The following DPP6 variants were observed in gnomAD, a reference collection of about 807,000 sequenced individuals.
The protein encoded by DPP6 is dipeptidyl peptidase like 6, also known as A-type potassium channel modulatory protein DPP6.
In DPP6, 69 loss-of-function variants were observed where a neutral mutation model predicts 122.6. The ratio of observed to expected loss-of-function variants is 0.56; its 90% CI spans 0.46 to 0.69. The LOEUF is 0.69. DPP6 is among the 30% of genes least tolerant of loss of function. The pLI is 0.00. For synonymous variants in DPP6, 418 were observed against 433.1 expected (o/e 0.97, Z 0.43); for missense variants, 928 against 1,116.9 (o/e 0.83, Z 2.41).
At chr7:154,209,128 G>A (rs1799605420) in intron 1 of DPP6, among the ~76,000 whole-genome samples, 1 of 152,164 alleles carries the variant, frequency 6.6e-6, no homozygotes, top group African/African-American at 2.4e-5. Flanking sequence ...TCGCCATCTT[G>A]ATTCACGTAA....
intron 7 of DPP6, among the ~76,000 whole-genome samples, chr7:154,718,911 T>C (rs1453694457): frequency 5.3e-5 from 8 of 152,016 alleles, no homozygotes; most frequent in African/African-American, 1.9e-4. Context: ...AAGTGAGTCT[T>C]CCTCTTCTTT....
intron 1 of DPP6, among the ~76,000 whole-genome samples, chr7:154,219,991 G>T (rs969177662): frequency 6.6e-6 from 1 of 152,190 alleles, no homozygotes; most frequent in African/African-American, 2.4e-5. Context: ...ACCATTGGTT[G>T]CCTTGCCTTG....
chr7:154,594,637 C>A (rs10224748), intron 5 of DPP6, among the ~76,000 whole-genome samples: 28,605 of 152,076 alleles, frequency 0.19, 4,265 homozygotes, highest in African/African-American at 0.41. Context: ...AGTATACATA[C>A]CTGATTCCCA....
intron 1 of DPP6, chr7:154,095,093 A>G (rs1805230244): frequency 6.6e-6 from 1 of 152,020 alleles, no homozygotes; most frequent in Non-Finnish European, 1.5e-5. Flanking sequence ...TGCACAGTGA[A>G]GAGAATGGGG....
chr7:154,685,743 A>G (rs1461659965), intron 7 of DPP6, among the ~76,000 whole-genome samples: 3 of 152,350 alleles, frequency 2.0e-5, no homozygotes, highest in East Asian at 1.9e-4. Flanking sequence ...ATCAACATGC[A>G]TGGCTTGGCC....
chr7:154,160,767 T>C (rs1186191954), intron 1 of DPP6, among the ~76,000 whole-genome samples: 4 of 152,178 alleles, frequency 2.6e-5, no homozygotes. Flanking sequence ...AAAACTAGCT[T>C]AGCAGAGAGT....
In DPP6 at chr7:153,925,450, C is replaced by T. The variant is rs532212478; in HGVS notation, c.51+37716C>T. On this transcript the variant is annotated intron_variant, in intron 1 of 25. Transcript: ENST00000404039. Reference sequence around the variant, plus strand: ...GATCATCCTGCATGGTGGAAGGTCCCCGAGGTTCTGATGAAGGGATATCCT... The same window carrying T: ...GATCATCCTGCATGGTGGAAGGTCCTCGAGGTTCTGATGAAGGGATATCCT... 7.2e-4 allele frequency among the ~76,000 whole-genome samples: 109 copies of T among 150,534 alleles called. 1 individual carries two copies. Among genetic ancestry groups the T allele is most frequent in the South Asian group, 2.8e-3 (13 of 4,706 alleles).
intron 1 of DPP6, among the ~76,000 whole-genome samples, chr7:154,428,544 A>C (rs990525987): frequency 2.6e-5 from 4 of 152,208 alleles, no homozygotes; most frequent in Admixed American, 6.5e-5. Flanking sequence ...ACACACCTGC[A>C]CGCATAGGCT....
chr7:154,325,257 G>T (rs1808347276), intron 1 of DPP6, among the ~76,000 whole-genome samples: 1 of 152,164 alleles, frequency 6.6e-6, no homozygotes, highest in Non-Finnish European at 1.5e-5. Flanking sequence ...TTGGGCCCCA[G>T]TGGGTCTCCT....
intron 1 of DPP6, chr7:154,026,556 T>G (rs1798963851): frequency 6.6e-6 from 1 of 152,134 alleles, no homozygotes; most frequent in African/African-American, 2.4e-5. Context: ...GTCATGGACA[T>G]TAAGCTGGAA....
chr7:154,427,049 G>A (rs1817977792), intron 1 of DPP6, among the ~76,000 whole-genome samples: 2 of 152,100 alleles, frequency 1.3e-5, no homozygotes, highest in African/African-American at 2.4e-5. Context: ...TTTGGTGAGC[G>A]TGTCTATGCA....
intron 5 of DPP6, among the ~76,000 whole-genome samples, chr7:154,622,098 G>C (rs1244205336): frequency 6.6e-6 from 1 of 151,976 alleles, no homozygotes; most frequent in Non-Finnish European, 1.5e-5. Context: ...TTATTACTCT[G>C]CCAGGCAGTA....
intron 1 of DPP6, among the ~76,000 whole-genome samples, chr7:153,924,082 T>C (rs1334686339): frequency 1.3e-5 from 2 of 152,062 alleles, no homozygotes; most frequent in Non-Finnish European, 2.9e-5. Flanking sequence ...TCCTTATATG[T>C]GTAACATAAA....
chr7:154,787,323 T>C (rs1797394567), intron 10 of DPP6, among the ~76,000 whole-genome samples: 2 of 152,236 alleles, frequency 1.3e-5, no homozygotes, highest in South Asian at 4.1e-4. Flanking sequence ...TTTGGGTTTT[T>C]TTAAAAAAAT....
intron 1 of DPP6, among the ~76,000 whole-genome samples, chr7:154,312,149 G>A (rs145668766): frequency 3.2e-4 from 49 of 152,312 alleles, no homozygotes; most frequent in Middle Eastern, 3.4e-3. Context: ...TGTTCATTCT[G>A]TGTTCACATT....
At chr7:154,298,338 A>G (rs1805680970) in intron 1 of DPP6, among the ~76,000 whole-genome samples, 2 of 151,398 alleles carry the variant, frequency 1.3e-5, no homozygotes, top group Non-Finnish European at 2.9e-5. Flanking sequence ...CAGCCTATTC[A>G]TCTAGAAGGC....
At chr7:154,632,600 T>C (rs894890664) in intron 5 of DPP6, among the ~76,000 whole-genome samples, 1 of 152,178 alleles carries the variant, frequency 6.6e-6, no homozygotes, top group Non-Finnish European at 1.5e-5. Context: ...TTGGTGCCTG[T>C]GAGACATAGG....
chr7:153,757,499 G>A, the DPP6 span, among the ~76,000 whole-genome samples: 1 of 139,336 alleles, frequency 7.2e-6, no homozygotes, highest in Non-Finnish European at 1.6e-5. Context: ...GGAGGGAAAC[G>A]GAATCAGTAG....
At chr7:154,088,859 A>T (rs1804614597) in intron 1 of DPP6, among the ~76,000 whole-genome samples, 1 of 152,184 alleles carries the variant, frequency 6.6e-6, no homozygotes, top group Non-Finnish European at 1.5e-5. Flanking sequence ...ATTTTATGTA[A>T]TTAAAATTAA....
Sources: gnomAD v4.1 joint callset for allele counts (sites outside exome capture counted in the v4.1 genomes callset) on GRCh38, gnomAD v4.1.1 for gene constraint, MANE v1.5 for transcripts, NCBI Gene and HGNC (gene_info 2026-07-23, HGNC 2026-07-21) for gene names.